Variants in SCRG1 observed in about 807,000 individuals in gnomAD.
The protein encoded by SCRG1 is scrapie-responsive protein 1.
In SCRG1, 3 loss-of-function variants were observed where a neutral mutation model predicts 7.7. That is an observed-to-expected ratio of 0.39 (90% confidence interval 0.18 to 1.01). The LOEUF (loss-of-function observed/expected upper bound fraction) is 1.01. SCRG1 is among the 50% of genes least tolerant of loss of function. The pLI is 0.36. For missense variants in SCRG1, 110 were observed against 117.2 expected, an observed-to-expected ratio of 0.94 and a Z score of 0.28; for synonymous variants, 46 against 41.2, an observed-to-expected ratio of 1.12 and a Z score of -0.44.
intron 1 of SCRG1, among the ~76,000 whole-genome samples, chr4:173,405,330 T>C (rs1387923083): frequency 1.3e-5 from 2 of 152,238 alleles, no homozygotes; most frequent in Non-Finnish European, 2.9e-5. Flanking sequence ...TCATGTCATA[T>C]CACACATGAA....
chr4:173,452,473 A>T, the SCRG1 span, among the ~76,000 whole-genome samples: 1 of 152,308 alleles, frequency 6.6e-6, no homozygotes, highest in East Asian at 1.9e-4. Context: ...TCAAGGGCCA[A>T]CTGTATTATT....
At chr4:173,438,183 T>C in the SCRG1 span, among the ~76,000 whole-genome samples, 142,231 of 152,158 alleles carry the variant, frequency 0.93, 67,090 homozygotes, top group Non-Finnish European at 1. Flanking sequence ...TGGCATGATC[T>C]GGGCTCACTG....
chr4:173,442,572 A>C, the SCRG1 span, among the ~76,000 whole-genome samples: 22 of 152,172 alleles, frequency 1.4e-4, no homozygotes, highest in African/African-American at 5.1e-4. Flanking sequence ...GCATGTCTCC[A>C]TGTTTTTCTA....
the SCRG1 span, among the ~76,000 whole-genome samples, chr4:173,458,513 G>T: frequency 6.6e-6 from 1 of 152,152 alleles, no homozygotes; most frequent in African/African-American, 2.4e-5. Flanking sequence ...TACAGGAAAT[G>T]CTCAAAGGAG....
chr4:173,482,939 G>C, the SCRG1 span, among the ~76,000 whole-genome samples: 1 of 127,688 alleles, frequency 7.8e-6, no homozygotes, highest in Admixed American at 9.0e-5. Flanking sequence ...TATTATATAT[G>C]AAATATATAA....
At chr4:173,503,228 G>A in the SCRG1 span, among the ~76,000 whole-genome samples, 2 of 152,332 alleles carry the variant, frequency 1.3e-5, no homozygotes, top group African/African-American at 4.8e-5. The surrounding 1 kb of genome is among the most constrained non-coding windows in gnomAD (Gnocchi z 6.4). Flanking sequence ...GTGGGCAGGA[G>A]AAGGTGGTGT....
the SCRG1 span, among the ~76,000 whole-genome samples, chr4:173,431,283 G>T: frequency 6.6e-6 from 1 of 152,184 alleles, no homozygotes; most frequent in African/African-American, 2.4e-5. Context: ...AGTGGGCAGG[G>T]CTCCTGGCCT....
the SCRG1 span, among the ~76,000 whole-genome samples, chr4:173,507,652 T>C: frequency 6.6e-6 from 1 of 152,112 alleles, no homozygotes; most frequent in East Asian, 1.9e-4. The surrounding 1 kb of genome is among the most constrained non-coding windows in gnomAD (Gnocchi z 4.4). Flanking sequence ...CCCCACCCTG[T>C]GGCCGCCACC....
At chr4:173,491,387 A>G in the SCRG1 span, among the ~76,000 whole-genome samples, 2 of 151,858 alleles carry the variant, frequency 1.3e-5, no homozygotes, top group African/African-American at 2.4e-5. Flanking sequence ...TTCCACTCAC[A>G]TTTCACTGCT....
At chr4:173,417,595 C>T in the SCRG1 span, among the ~76,000 whole-genome samples, 7 of 151,886 alleles carry the variant, frequency 4.6e-5, no homozygotes, top group Non-Finnish European at 8.8e-5. Flanking sequence ...TCCCTCCCTC[C>T]CTCCCTCCTT....
At chr4:173,447,136 C>T in the SCRG1 span, among the ~76,000 whole-genome samples, 1 of 152,200 alleles carries the variant, frequency 6.6e-6, no homozygotes, top group Non-Finnish European at 1.5e-5. Context: ...GTGCTGGAGG[C>T]TGGAAGTCCA....
the SCRG1 span, among the ~76,000 whole-genome samples, chr4:173,438,233 A>G: frequency 6.6e-6 from 1 of 151,900 alleles, no homozygotes; most frequent in African/African-American, 2.4e-5. Flanking sequence ...CTCCTACTTC[A>G]GCTTCCAGAG....
the SCRG1 span, among the ~76,000 whole-genome samples, chr4:173,438,250 G>A: frequency 6.6e-6 from 1 of 151,836 alleles, no homozygotes; most frequent in Non-Finnish European, 1.5e-5. Context: ...AGAGTAACTG[G>A]GACTACAGGC....
the SCRG1 span, among the ~76,000 whole-genome samples, chr4:173,452,142 G>T: frequency 0.11 from 16,600 of 150,882 alleles, 971 homozygotes; most frequent in African/African-American, 0.13. Flanking sequence ...AGGCTGAGGC[G>T]GGAGAATTGA....
At chr4:173,425,317 G>A in the SCRG1 span, among the ~76,000 whole-genome samples, 4 of 152,322 alleles carry the variant, frequency 2.6e-5, no homozygotes, top group East Asian at 7.7e-4. Flanking sequence ...CTAATTAGGA[G>A]GATTTTGCCA....
At chr4:173,500,967 G>A in the SCRG1 span, among the ~76,000 whole-genome samples, 1 of 152,230 alleles carries the variant, frequency 6.6e-6, no homozygotes, top group Non-Finnish European at 1.5e-5. Context: ...TCTCCTTCCG[G>A]GGAGCAGAAG....
At chr4:173,429,118 G>A in the SCRG1 span, among the ~76,000 whole-genome samples, 8 of 152,120 alleles carry the variant, frequency 5.3e-5, no homozygotes, top group African/African-American at 1.7e-4. Flanking sequence ...ATAGAAAATG[G>A]AAAGAAGAAT....
chr4:173,447,773 T>C, the SCRG1 span, among the ~76,000 whole-genome samples: 1 of 152,156 alleles, frequency 6.6e-6, no homozygotes, highest in African/African-American at 2.4e-5. Flanking sequence ...ACATATAAAG[T>C]ACTTCTGCTG....
chr4:173,409,588 C>CTT (rs372218375), upstream of SCRG1, among the ~76,000 whole-genome samples: 4,439 of 133,220 alleles, frequency 0.033, 217 homozygotes, highest in African/African-American at 0.079. Flanking sequence ...TCCCTGCATA[C>CTT]TTTTTTTTTT....
Sources: allele counts gnomAD v4.1 joint callset (sites outside exome capture counted in the v4.1 genomes callset), GRCh38; gene constraint gnomAD v4.1.1; non-coding constraint Gnocchi (gnomAD v3.1); transcripts MANE v1.5; gene names NCBI Gene and HGNC (gene_info 2026-07-23, HGNC 2026-07-21).